Variants in SORCS1 observed in about 807,000 individuals in gnomAD.
SORCS1 encodes VPS10 domain-containing receptor SorCS1.
A neutral mutation model predicts 146.1 loss-of-function variants in SORCS1; 60 were observed. The observed-to-expected ratio is 0.41, with a 90% CI of 0.33 to 0.51. SORCS1 has a LOEUF of 0.51. SORCS1 is among the 20% of genes least tolerant of loss of function. The pLI is 0.21. For missense variants in SORCS1, 1,352 were observed against 1,487.6 expected (o/e 0.91, Z 1.50); for synonymous variants, 637 against 584.0 (o/e 1.09, Z -1.31).
intron 1 of SORCS1, among the ~76,000 whole-genome samples, chr10:107,091,966 C>G (rs1964215411): frequency 4.6e-5 from 7 of 152,176 alleles, no homozygotes; most frequent in Admixed American, 4.6e-4. Flanking sequence ...CGACACTGCA[C>G]ATCAGTATCT....
At chr10:107,165,695 T>C (rs773715780), upstream of SORCS1, among the ~76,000 whole-genome samples, 6 of 152,212 alleles carry the variant, frequency 3.9e-5, no homozygotes, top group Admixed American at 3.9e-4. The surrounding 1 kb of genome is among the most constrained non-coding windows in gnomAD (Gnocchi z 4.0). Context: ...ACAGTACTTA[T>C]AGTTATTCTG....
Position 107,006,780 on chromosome 10 carries a change from G to A in SORCS1, c.559-50200C>T, listed in dbSNP as rs185956736. 2.0e-5 allele frequency among the ~76,000 whole-genome samples: 3 copies of A among 152,322 alleles called. No homozygotes were observed. In the East Asian group the frequency reaches 5.8e-4, roughly 29 times the overall value. On this transcript the variant is annotated intron_variant, in intron 1 of 25. Coordinates refer to ENST00000263054, the MANE Select transcript of SORCS1 (RefSeq NM_052918.5). ...TGCAGTGAGCCGAGATTGTGCCACTGCATTCCAGCCTGGGTGACAGAGCGA... is the reference window on the plus strand; with the variant it reads ...TGCAGTGAGCCGAGATTGTGCCACTACATTCCAGCCTGGGTGACAGAGCGA...
chr10:106,582,130 C>T (rs7474894), intron 24 of SORCS1, among the ~76,000 whole-genome samples: 1 of 142,372 alleles, frequency 7.0e-6, no homozygotes, highest in African/African-American at 2.7e-5. Flanking sequence ...TGCACACACA[C>T]AAACACATAC....
rs1958686799 is a variant in SORCS1 at position 107,032,207 on chromosome 10, G to A, written c.559-75627C>T. The stretch of plus-strand genomic sequence containing the variant: ...GACACGTAGACACACATGTCCATTA[G>A]TAAGAACTCTTGTTGCAACAATTAA... On this transcript the variant is annotated intron_variant, in intron 1 of 25. Transcript: ENST00000263054. Among the ~76,000 whole-genome samples, 4 of 152,218 alleles carry A rather than the reference G, an allele frequency of 2.6e-5. No individual in the cohort carries two copies. The South Asian group carries it at 8.3e-4, about 32-fold the overall frequency.
chr10:107,042,374 C>T (rs1025330698), intron 1 of SORCS1, among the ~76,000 whole-genome samples: 11 of 152,226 alleles, frequency 7.2e-5, no homozygotes, highest in African/African-American at 2.7e-4. Context: ...AAGAGACTCA[C>T]ATCATCTAGA....
chr10:107,154,611 G>A (rs544932080), intron 1 of SORCS1, among the ~76,000 whole-genome samples: 3 of 152,246 alleles, frequency 2.0e-5, no homozygotes, highest in Non-Finnish European at 4.4e-5. Flanking sequence ...GTTGCTGACA[G>A]GGATGCTAAG....
At chr10:106,789,509 A>G (rs1020989054) in intron 3 of SORCS1, among the ~76,000 whole-genome samples, 4 of 152,238 alleles carry the variant, frequency 2.6e-5, no homozygotes, top group Non-Finnish European at 4.4e-5. Flanking sequence ...TCTCTAGGGC[A>G]GGGGCAAAAT....
chr10:106,812,530 A>T (rs1043618589), intron 3 of SORCS1, among the ~76,000 whole-genome samples: 1 of 152,296 alleles, frequency 6.6e-6, no homozygotes, highest in South Asian at 2.1e-4. Flanking sequence ...GTCTAGTTGT[A>T]AACAGCTTTC....
intron 2 of SORCS1, among the ~76,000 whole-genome samples, chr10:106,870,231 T>G (rs1245291824): frequency 6.6e-6 from 1 of 152,162 alleles, no homozygotes; most frequent in East Asian, 1.9e-4. Flanking sequence ...TGCTCATGGA[T>G]AGGAAGAATC....
chr10:107,055,652 A>T (rs2134079644), intron 1 of SORCS1, among the ~76,000 whole-genome samples: 1 of 152,302 alleles, frequency 6.6e-6, no homozygotes, highest in East Asian at 1.9e-4. Flanking sequence ...AGACAGCAGC[A>T]ACAGCCATTT....
chr10:106,901,375 T>C (rs985675107), intron 2 of SORCS1, among the ~76,000 whole-genome samples: 1 of 152,200 alleles, frequency 6.6e-6, no homozygotes, highest in African/African-American at 2.4e-5. Flanking sequence ...ACATAAATAA[T>C]GGAGAGGAAA....
intron 1 of SORCS1, among the ~76,000 whole-genome samples, chr10:106,985,321 A>G (rs1956419593): frequency 1.3e-5 from 2 of 152,084 alleles, no homozygotes; most frequent in Admixed American, 1.3e-4. Flanking sequence ...GTTATAAACC[A>G]AGTTGAAGTT....
intron 2 of SORCS1, among the ~76,000 whole-genome samples, chr10:106,889,581 G>A (rs2137857697): frequency 6.6e-6 from 1 of 151,820 alleles, no homozygotes; most frequent in South Asian, 2.1e-4. Context: ...GGCTGACACA[G>A]GTGAAACCCC....
Position 106,652,369 on chromosome 10 carries a change from G to C in SORCS1, c.2475+13C>G. ...GCCCTAGAAAGTAGGGGGGAGATAG[G>C]AATCAGTCCTACCTCTTCTAATTGC... On this transcript the variant is annotated intron_variant, in intron 18 of 25. Transcript: ENST00000263054. The C allele has an allele frequency of 5.0e-6, 8 of 1,593,406 alleles. No individual in the cohort carries two copies. Among genetic ancestry groups the C allele is most frequent in the Non-Finnish European group, 6.9e-6 (8 of 1,164,244 alleles).
chr10:106,746,074 CCTATGGATTT>C (rs142079832), intron 5 of SORCS1, among the ~76,000 whole-genome samples: 4 of 152,170 alleles, frequency 2.6e-5, no homozygotes, highest in African/African-American at 9.6e-5. Flanking sequence ...CGGAGGAACT[CCTATGGATTT>C]GAAGAGACTA....
At chr10:107,103,308 C>T (rs981002639) in intron 1 of SORCS1, among the ~76,000 whole-genome samples, 1 of 152,172 alleles carries the variant, frequency 6.6e-6, no homozygotes, top group Non-Finnish European at 1.5e-5. Context: ...CCTTGATGTG[C>T]AAATAATTGG....
At chr10:106,907,485 G>A (rs116561119) in intron 2 of SORCS1, among the ~76,000 whole-genome samples, 57 of 152,156 alleles carry the variant, frequency 3.7e-4, no homozygotes, top group African/African-American at 1.3e-3. Context: ...TTATCTGAAG[G>A]TGCTAAGATT....
intron 1 of SORCS1, among the ~76,000 whole-genome samples, chr10:107,110,704 T>C (rs1382002990): frequency 2.1e-5 from 3 of 142,186 alleles, no homozygotes; most frequent in African/African-American, 5.5e-5. Flanking sequence ...AACTATATCA[T>C]TGTGACTTGG....
chr10:106,715,957 C>T (rs821948), intron 6 of SORCS1, among the ~76,000 whole-genome samples: 127,122 of 151,940 alleles, frequency 0.84, 54,515 homozygotes, highest in Non-Finnish European at 0.94. Context: ...TTCACCATGT[C>T]GGTCAGGCTG....
Sources: gnomAD v4.1 joint callset for allele counts (sites outside exome capture counted in the v4.1 genomes callset) on GRCh38, gnomAD v4.1.1 for gene constraint, Gnocchi (gnomAD v3.1) non-coding constraint, MANE v1.5 for transcripts, NCBI Gene and HGNC (gene_info 2026-07-23, HGNC 2026-07-21) for gene names.